Variants in C2orf15 observed in about 807,000 individuals in gnomAD.
C2orf15 encodes the protein chromosome 2 open reading frame 15.
C2orf15 carries 3 observed loss-of-function variants against 4.4 expected under a neutral mutation model. That is an observed-to-expected ratio of 0.67 (90% CI 0.31 to 1.74). The LOEUF is 1.74. Ranked by LOEUF, C2orf15 falls within the 40% of genes most tolerant of loss-of-function variation. The pLI is 0.09. For missense variants in C2orf15, 90 were observed against 103.3 expected, an observed-to-expected ratio of 0.87 and a Z score of 0.56; for synonymous variants, 37 against 36.8, an observed-to-expected ratio of 1.00 and a Z score of -0.02.
At position 99,150,479 on chromosome 2, in the gene C2orf15, T is replaced by G. The variant is rs757620925; in HGVS notation, c.-76-4T>G. On this transcript the variant is annotated splice_region_variant and splice_polypyrimidine_tract_variant and intron_variant, in intron 3 of 3. Transcript: ENST00000650052. Reference sequence around the variant, plus strand: ...TCACTTGTTACTTTTTTTTTTTTTTTCAGTAATCAAGTTGAAGAAACACTT... The same window carrying G: ...TCACTTGTTACTTTTTTTTTTTTTTGCAGTAATCAAGTTGAAGAAACACTT... The G allele has an allele frequency of 2.7e-6, 4 of 1,463,164 alleles. No individual in the cohort carries two copies. Among genetic ancestry groups the G allele is most frequent in the Middle Eastern group, 1.8e-4 (1 of 5,502 alleles). 90.6% of individuals were successfully genotyped at this position (1,463,164 alleles called of 1,614,324 possible). A position where few individuals can be genotyped will look rare whatever the true frequency, so the allele number is the denominator to read the frequency against.
chr2:99,144,520 C>T (rs1400676048), intron 2 of C2orf15, among the ~76,000 whole-genome samples: 5 of 151,758 alleles, frequency 3.3e-5, no homozygotes, highest in African/African-American at 1.2e-4. Flanking sequence ...CACGGTGGCT[C>T]ATGCCTGTAA....
Position 99,147,423 on chromosome 2 carries a change from T to G in C2orf15, c.-147T>G, listed in dbSNP as rs1360461866. 1.2e-6 allele frequency: 2 copies of G among 1,602,582 alleles called. No individual in the cohort carries two copies. Among genetic ancestry groups the G allele is most frequent in the Admixed American group, 3.3e-5 (2 of 59,942 alleles). On this transcript the variant is annotated 5_prime_UTR_variant, in exon 3 of 4. An upstream open reading frame in the 5' UTR loses its in-frame stop. Coordinates refer to ENST00000650052, the MANE Select transcript of C2orf15 (RefSeq NM_144706.4). ...CCAGATTTCTTCTTGAATGGCAACC[T>G]AAATGCCAGTCCAAAGAGGCCCCCA...
intron 2 of C2orf15, among the ~76,000 whole-genome samples, chr2:99,145,189 C>T (rs140664424): frequency 0.011 from 1,638 of 152,230 alleles, 10 homozygotes; most frequent in Middle Eastern, 0.027. Flanking sequence ...CTATATTCAA[C>T]GCCAAAAATG....
rs1252853295 is a variant in C2orf15 at position 99,147,278 on chromosome 2, G to A, written c.-168-124G>A. 4.2e-5 allele frequency: 22 copies of A among 521,102 alleles called. 1 individual carries two copies. In the East Asian group the frequency reaches 6.6e-4, roughly 16 times the overall value. 32.3% of individuals were successfully genotyped at this position (521,102 alleles called of 1,614,324 possible). A position where few individuals can be genotyped will look rare whatever the true frequency, so the allele number is the denominator to read the frequency against. ...GGCCTCCCAAAGTGCTGGAATTACA[G>A]GCGTGAGCCATTGTGCCCAGCCGCG... On this transcript the variant is annotated intron_variant, in intron 2 of 3. Transcript: ENST00000650052.
intron 2 of C2orf15, among the ~76,000 whole-genome samples, chr2:99,142,928 T>C (rs760012104): frequency 1.4e-4 from 21 of 152,212 alleles, no homozygotes; most frequent in Non-Finnish European, 2.4e-4. Flanking sequence ...TAAGCACTTA[T>C]GTATGCCACC....
At chr2:99,142,843 A>G (rs754613260) in intron 2 of C2orf15, among the ~76,000 whole-genome samples, 1 of 152,188 alleles carries the variant, frequency 6.6e-6, no homozygotes, top group Non-Finnish European at 1.5e-5. Flanking sequence ...CTGGAGTTGA[A>G]GACTTCGGGG....
intron 2 of C2orf15, among the ~76,000 whole-genome samples, chr2:99,144,852 G>A (rs2093616425): frequency 1.3e-5 from 2 of 152,108 alleles, no homozygotes; most frequent in Admixed American, 1.3e-4. Flanking sequence ...TGAAGCAGGA[G>A]AAGGTTTGGC....
chr2:99,143,443 G>A (rs1199074059), intron 2 of C2orf15, among the ~76,000 whole-genome samples: 1 of 150,088 alleles, frequency 6.7e-6, no homozygotes, highest in African/African-American at 2.5e-5. Flanking sequence ...ACAGGTGTGA[G>A]CCACTGCGCC....
rs1292127041 is a variant in C2orf15, at chr2:99,147,462, C to T, written c.-108C>T. 6.2e-7 allele frequency: 1 copy of T among 1,613,918 alleles called. No individual in the cohort carries two copies. Among genetic ancestry groups the T allele is most frequent in the Non-Finnish European group, 8.5e-7 (1 of 1,179,856 alleles). On this transcript the variant is annotated 5_prime_UTR_variant, in exon 3 of 4. Coordinates refer to ENST00000650052, the MANE Select transcript of C2orf15 (RefSeq NM_144706.4). ...AAGAGGCCCCCAATAGACTTGTTCA[C>T]CCTTCATGTCCTCAACTCTGGGGAA...
chr2:99,147,518 C>T, intron 3 of C2orf15, 25 bp downstream of exon 3: 1 of 1,607,432 alleles, frequency 6.2e-7, no homozygotes, highest in Non-Finnish European at 8.5e-7. Context: ...GCCAAGTCTA[C>T]CCTATTATAC....
intron 2 of C2orf15, among the ~76,000 whole-genome samples, chr2:99,144,453 A>G (rs761971615): frequency 9.9e-5 from 15 of 151,980 alleles, no homozygotes; most frequent in Non-Finnish European, 1.8e-4. Context: ...CTGTTGTCCA[A>G]TATCTAAAAG....
chr2:99,147,286 C>T (rs186553142), intron 2 of C2orf15, 116 bp from the exon 3 acceptor site: 2 of 537,426 alleles, frequency 3.7e-6, no homozygotes, highest in Non-Finnish European at 6.5e-6. Context: ...CAGGCGTGAG[C>T]CATTGTGCCC....
chr2:99,150,379 T>G (rs1302132638), intron 3 of C2orf15, 104 bp from the exon 4 acceptor site: 2 of 633,740 alleles, frequency 3.2e-6, no homozygotes, highest in Non-Finnish European at 5.2e-6. Context: ...GCAATTTTAC[T>G]TTATATTTCT....
At position 99,150,827 on chromosome 2, in the gene C2orf15, T is replaced by C; in HGVS notation, c.269T>C (p.Val90Ala). 1.3e-6 allele frequency: 2 copies of C among 1,581,302 alleles called. No homozygotes were observed. The highest frequency in any genetic ancestry group is 1.7e-6 in the Non-Finnish European group (2 of 1,167,786). Residue 90 changes from valine to alanine, a missense_variant, in exon 4 of 4, where the codon GTG (valine) becomes GCG (alanine). Physicochemically the swap from Val to Ala is moderately conservative, Grantham distance 64 (BLOSUM62 0). Coordinates refer to ENST00000650052, the MANE Select transcript of C2orf15 (RefSeq NM_144706.4). ...AGTGATGGACTAGAAATGACAGATG[T>C]GGAATGAAGCAATTTGTACGTATTA... ...KESDGLEMTDVE is the reference protein window; with the variant it reads ...KESDGLEMTDAE
At chr2:99,144,947 G>A (rs2105129702) in intron 2 of C2orf15, among the ~76,000 whole-genome samples, 1 of 152,328 alleles carries the variant, frequency 6.6e-6, no homozygotes. Flanking sequence ...CTTGCTAGTA[G>A]AGTTGTTTGC....
intron 3 of C2orf15, among the ~76,000 whole-genome samples, chr2:99,147,977 T>C (rs547281849): frequency 1.1e-4 from 17 of 152,328 alleles, no homozygotes; most frequent in African/African-American, 3.8e-4. Context: ...TATTGTCCCA[T>C]ATCCAAATGT....
intron 2 of C2orf15, among the ~76,000 whole-genome samples, chr2:99,144,821 G>A (rs1003339982): frequency 6.6e-6 from 1 of 152,108 alleles, no homozygotes; most frequent in Non-Finnish European, 1.5e-5. Flanking sequence ...CAGGCTGGGG[G>A]AACTGTAAGT....
intron 3 of C2orf15, among the ~76,000 whole-genome samples, chr2:99,149,125 G>A (rs1262701187): frequency 6.8e-6 from 1 of 148,002 alleles, no homozygotes; most frequent in African/African-American, 2.5e-5. Flanking sequence ...AGCCGAGATC[G>A]CACCACTTCA....
intron 2 of C2orf15, among the ~76,000 whole-genome samples, chr2:99,144,194 T>C (rs893496410): frequency 5.3e-5 from 8 of 151,976 alleles, no homozygotes; most frequent in African/African-American, 1.9e-4. Flanking sequence ...CTAATTTTTT[T>C]GTATTTTTAG....
Sources: allele counts gnomAD v4.1 joint callset (sites outside exome capture counted in the v4.1 genomes callset), GRCh38; gene constraint gnomAD v4.1.1; transcripts MANE v1.5; gene names NCBI Gene and HGNC (gene_info 2026-07-23, HGNC 2026-07-21).